EPN2: variants seen among roughly 807,000 people sequenced by gnomAD.
EPN2 encodes epsin-2.
In EPN2, 34 loss-of-function variants were observed where a neutral mutation model predicts 61.7. The ratio of observed to expected loss-of-function variants is 0.55; its 90% CI spans 0.42 to 0.73. The LOEUF is 0.73. EPN2 is among the 30% of genes least tolerant of loss of function. The pLI, the probability that EPN2 is intolerant of heterozygous loss-of-function variation, is 0.00. For synonymous variants in EPN2, 349 were observed against 353.6 expected, an observed-to-expected ratio of 0.99 and a Z score of 0.15; for missense variants, 714 against 839.2, an observed-to-expected ratio of 0.85 and a Z score of 1.84.
At chr17:19,323,088 G>T (rs759111900) in intron 7 of EPN2, among the ~76,000 whole-genome samples, 4 of 152,214 alleles carry the variant, frequency 2.6e-5, no homozygotes, top group African/African-American at 7.2e-5. Context: ...TCACAAGCTT[G>T]CTGGGTGCCA....
intron 5 of EPN2, among the ~76,000 whole-genome samples, chr17:19,311,717 A>G (rs974079417): frequency 2.0e-5 from 3 of 152,200 alleles, no homozygotes; most frequent in Non-Finnish European, 2.9e-5. Context: ...AAGGACACAC[A>G]TTGCTTCTAT....
At chr17:19,238,607 C>T (rs2044845653) in intron 1 of EPN2, among the ~76,000 whole-genome samples, 2 of 152,334 alleles carry the variant, frequency 1.3e-5, no homozygotes, top group Non-Finnish European at 1.5e-5. Flanking sequence ...AGGCCCAGAA[C>T]TGCAGTAATT....
At chr17:19,258,463 A>C (rs2045105635) in intron 1 of EPN2, among the ~76,000 whole-genome samples, 1 of 152,086 alleles carries the variant, frequency 6.6e-6, no homozygotes, top group Non-Finnish European at 1.5e-5. Context: ...GTTTCTAAGC[A>C]TATTCTTCTC....
chr17:19,319,113 G>A (rs1307006250), intron 7 of EPN2, among the ~76,000 whole-genome samples: 5 of 151,432 alleles, frequency 3.3e-5, no homozygotes, highest in African/African-American at 7.3e-5. Flanking sequence ...CATGAGAATC[G>A]CTTGAACCCG....
intron 7 of EPN2, among the ~76,000 whole-genome samples, chr17:19,319,895 C>T (rs1172023981): frequency 2.0e-5 from 3 of 152,158 alleles, no homozygotes; most frequent in East Asian, 1.9e-4. Flanking sequence ...CCACCCGCCT[C>T]GGCCTCCCCA....
At chr17:19,251,417 G>C (rs1422425697) in intron 1 of EPN2, among the ~76,000 whole-genome samples, 1 of 152,150 alleles carries the variant, frequency 6.6e-6, no homozygotes, top group Non-Finnish European at 1.5e-5. Flanking sequence ...CGTTTCAGTG[G>C]AAGATCCCTG....
At chr17:19,327,907 T>C (rs1015088067) in intron 7 of EPN2, among the ~76,000 whole-genome samples, 1 of 152,188 alleles carries the variant, frequency 6.6e-6, no homozygotes, top group Non-Finnish European at 1.5e-5. Flanking sequence ...CTTGCAGTGC[T>C]CCGCGAGAAG....
At chr17:19,251,583 G>A (rs2045015759) in intron 1 of EPN2, among the ~76,000 whole-genome samples, 1 of 152,078 alleles carries the variant, frequency 6.6e-6, no homozygotes, top group African/African-American at 2.4e-5. Flanking sequence ...AGAGGTGCAC[G>A]CCGCCACTCC....
chr17:19,261,117 G>A (rs781585710), intron 1 of EPN2, among the ~76,000 whole-genome samples: 19 of 152,150 alleles, frequency 1.2e-4, no homozygotes, highest in South Asian at 2.1e-4. Context: ...GTGGCATCCC[G>A]CAGGCACATT....
At chr17:19,246,938 C>T (rs1398735121) in intron 1 of EPN2, among the ~76,000 whole-genome samples, 1 of 151,928 alleles carries the variant, frequency 6.6e-6, no homozygotes, top group Non-Finnish European at 1.5e-5. Context: ...TGGCTGATTT[C>T]TTTTTGTATT....
At chr17:19,312,296 G>A (rs887071585) in intron 6 of EPN2, 152 bp downstream of exon 6, 14 of 627,788 alleles carry the variant, frequency 2.2e-5, no homozygotes, top group Non-Finnish European at 4.0e-5. Context: ...AGAGCCAGGT[G>A]AGCAAGCGAC....
At chr17:19,313,517 C>T in intron 7 of EPN2, 5 of 419,368 alleles carry the variant, frequency 1.2e-5, no homozygotes, top group Non-Finnish European at 2.1e-5. Context: ...AGTCAACCTC[C>T]CCTCAACCTC....
chr17:19,261,682 A>G (rs2045143467), intron 1 of EPN2, among the ~76,000 whole-genome samples: 1 of 152,232 alleles, frequency 6.6e-6, no homozygotes, highest in Admixed American at 6.5e-5. Context: ...GTATGAACTT[A>G]TGATAGCGTG....
intron 4 of EPN2, chr17:19,308,669 C>T (rs1905973103): frequency 1.0e-6 from 1 of 985,264 alleles, no homozygotes; most frequent in African/African-American, 1.7e-5. Context: ...GGGCAAGGAA[C>T]CATCTAAAGC....
chr17:19,304,255 G>A (rs969798541), intron 4 of EPN2, among the ~76,000 whole-genome samples: 1 of 152,176 alleles, frequency 6.6e-6, no homozygotes, highest in Non-Finnish European at 1.5e-5. Context: ...TGGCAGGAAC[G>A]TCCTCAGTAG....
At chr17:19,244,783 A>G (rs753027781) in intron 1 of EPN2, among the ~76,000 whole-genome samples, 3 of 152,166 alleles carry the variant, frequency 2.0e-5, no homozygotes, top group African/African-American at 4.8e-5. Context: ...TGGTCCTGCA[A>G]GCCCTATCAC....
chr17:19,323,820 G>A (rs187457646), intron 7 of EPN2, among the ~76,000 whole-genome samples: 1 of 152,234 alleles, frequency 6.6e-6, no homozygotes, highest in African/African-American at 2.4e-5. Flanking sequence ...TGTTCTTGAA[G>A]AGTAAAGTTG....
intron 9 of EPN2, among the ~76,000 whole-genome samples, chr17:19,330,833 C>CA (rs909590592): frequency 2.6e-5 from 4 of 152,026 alleles, no homozygotes; most frequent in Non-Finnish European, 5.9e-5. Flanking sequence ...CCCGTCTCTA[C>CA]AAAAAAATTA....
At chr17:19,288,476 A>G (rs1350433309) in intron 4 of EPN2, among the ~76,000 whole-genome samples, 1 of 152,222 alleles carries the variant, frequency 6.6e-6, no homozygotes, top group Non-Finnish European at 1.5e-5. Flanking sequence ...GGCTTGCAGT[A>G]TGAATGGATC....
Sources: allele counts gnomAD v4.1 joint callset (sites outside exome capture counted in the v4.1 genomes callset), GRCh38; gene constraint gnomAD v4.1.1; transcripts MANE v1.5; gene names NCBI Gene and HGNC (gene_info 2026-07-23, HGNC 2026-07-21).